Variants in PKIB observed in about 807,000 individuals in gnomAD.
PKIB encodes PKI-beta.
In PKIB, 2 loss-of-function variants were observed where a neutral mutation model predicts 4.5. The observed-to-expected ratio is 0.44, with a 90% CI of 0.18 to 1.39. The LOEUF is 1.39. Among genes scored for constraint, PKIB ranks in the 40% most tolerant of loss-of-function variants. PKIB has a pLI of 0.27. For missense variants in PKIB, 94 were observed against 92.6 expected, an observed-to-expected ratio of 1.02 and a Z score of -0.06; for synonymous variants, 38 against 36.0, an observed-to-expected ratio of 1.06 and a Z score of -0.20.
intron 3 of PKIB, among the ~76,000 whole-genome samples, chr6:122,601,593 A>G (rs1160134316): frequency 6.6e-6 from 1 of 152,116 alleles, no homozygotes; most frequent in Non-Finnish European, 1.5e-5. Context: ...TGTCAAGACC[A>G]ACCCCTCCTC....
intron 2 of PKIB, among the ~76,000 whole-genome samples, chr6:122,566,664 T>G (rs1773206080): frequency 6.6e-6 from 1 of 151,704 alleles, no homozygotes; most frequent in East Asian, 1.9e-4. Context: ...CTTCCTTCCT[T>G]CCTTCCTTCT....
intron 2 of PKIB, among the ~76,000 whole-genome samples, chr6:122,576,710 A>ATATG (rs59569106): frequency 9.1e-6 from 1 of 110,034 alleles, no homozygotes; most frequent in African/African-American, 4.0e-5. Flanking sequence ...ATATATATAT[A>ATATG]TTTTCTTTTG....
At chr6:122,613,227 G>A (rs370149760) in intron 1 of PKIB, among the ~76,000 whole-genome samples, 5 of 152,020 alleles carry the variant, frequency 3.3e-5, no homozygotes, top group African/African-American at 2.4e-5. Flanking sequence ...CAATAAATTC[G>A]GTGGTTTTCC....
At chr6:122,589,346 C>T (rs1773949434) in intron 3 of PKIB, among the ~76,000 whole-genome samples, 1 of 151,950 alleles carries the variant, frequency 6.6e-6, no homozygotes, top group Non-Finnish European at 1.5e-5. Flanking sequence ...ACAGTGTGTA[C>T]AACACATAGC....
intron 1 of PKIB, among the ~76,000 whole-genome samples, chr6:122,631,174 A>G (rs1377880762): frequency 6.6e-6 from 1 of 152,216 alleles, no homozygotes; most frequent in Non-Finnish European, 1.5e-5. Flanking sequence ...GAATAGGGAC[A>G]TATTTTCTAT....
At chr6:122,625,913 A>G (rs1775423173) in intron 1 of PKIB, among the ~76,000 whole-genome samples, 1 of 152,142 alleles carries the variant, frequency 6.6e-6, no homozygotes, top group African/African-American at 2.4e-5. Flanking sequence ...TACAAAAAAT[A>G]CAACAATTAG....
At chr6:122,599,919 T>A (rs1328350199) in intron 3 of PKIB, among the ~76,000 whole-genome samples, 1 of 152,202 alleles carries the variant, frequency 6.6e-6, no homozygotes, top group Non-Finnish European at 1.5e-5. Flanking sequence ...GAACCACTGC[T>A]GCTACCAAAA....
intron 2 of PKIB, among the ~76,000 whole-genome samples, chr6:122,542,254 G>A (rs1777628667): frequency 6.6e-6 from 1 of 151,998 alleles, no homozygotes; most frequent in Non-Finnish European, 1.5e-5. Context: ...AGGAGGAGAG[G>A]CACTCTGCTT....
intron 2 of PKIB, among the ~76,000 whole-genome samples, chr6:122,538,004 T>C (rs1374628322): frequency 2.0e-5 from 3 of 152,080 alleles, no homozygotes; most frequent in African/African-American, 4.8e-5. Flanking sequence ...TCATATCCTT[T>C]GCCCACTTTT....
intron 2 of PKIB, among the ~76,000 whole-genome samples, chr6:122,568,027 CAG>C (rs1167042986): frequency 2.0e-5 from 3 of 151,872 alleles, no homozygotes; most frequent in East Asian, 1.9e-4. Flanking sequence ...AAAATATAGA[CAG>C]AATTAATTAT....
At chr6:122,478,500 A>G (rs1197635240) in intron 2 of PKIB, 1 of 152,200 alleles carries the variant, frequency 6.6e-6, no homozygotes, top group African/African-American at 2.4e-5. Context: ...AGGGTACTCC[A>G]TAGTTCAGTT....
intron 3 of PKIB, among the ~76,000 whole-genome samples, chr6:122,709,395 T>C (rs1195149210): frequency 6.6e-6 from 1 of 152,150 alleles, no homozygotes; most frequent in East Asian, 1.9e-4. Context: ...AATAGTTTTA[T>C]TTTGAATATG....
intron 1 of PKIB, among the ~76,000 whole-genome samples, chr6:122,629,385 T>C (rs1289854104): frequency 6.6e-6 from 1 of 152,164 alleles, no homozygotes; most frequent in African/African-American, 2.4e-5. Flanking sequence ...AAGTATAAAA[T>C]ATAATATCTA....
intron 2 of PKIB, among the ~76,000 whole-genome samples, chr6:122,537,140 T>TG (rs1325097202): frequency 3.9e-5 from 6 of 152,240 alleles, no homozygotes; most frequent in African/African-American, 1.2e-4. Flanking sequence ...TTATTCTTCT[T>TG]TCTGACAGAA....
intron 1 of PKIB, among the ~76,000 whole-genome samples, chr6:122,612,463 C>T (rs1774800966): frequency 6.6e-6 from 1 of 152,156 alleles, no homozygotes; most frequent in South Asian, 2.1e-4. Flanking sequence ...TTTGTTCCCA[C>T]TCCCATTCCC....
intron 2 of PKIB, chr6:122,483,532 A>C (rs1342112384): frequency 2.6e-5 from 4 of 151,928 alleles, no homozygotes; most frequent in South Asian, 4.1e-4. Context: ...GGGGAAAAAA[A>C]CACAAAAGTT....
At chr6:122,639,772 A>G (rs1776056345) in intron 2 of PKIB, among the ~76,000 whole-genome samples, 1 of 152,192 alleles carries the variant, frequency 6.6e-6, no homozygotes, top group South Asian at 2.1e-4. Flanking sequence ...TTGCTTAATC[A>G]AGGGAAAGGC....
At chr6:122,586,752 G>A (rs1354827651) in intron 3 of PKIB, among the ~76,000 whole-genome samples, 4 of 152,246 alleles carry the variant, frequency 2.6e-5, no homozygotes, top group South Asian at 4.1e-4. Context: ...AGACAACGGA[G>A]CAGATGGGTC....
intron 2 of PKIB, among the ~76,000 whole-genome samples, chr6:122,579,313 G>A (rs75524806): frequency 2.0e-5 from 3 of 152,012 alleles, no homozygotes; most frequent in Non-Finnish European, 2.9e-5. Flanking sequence ...TTGTGTTTGC[G>A]GTGCATGGAA....
Sources: allele counts gnomAD v4.1 joint callset (sites outside exome capture counted in the v4.1 genomes callset), GRCh38; gene constraint gnomAD v4.1.1; transcripts MANE v1.5; gene names NCBI Gene and HGNC (gene_info 2026-07-23, HGNC 2026-07-21).